Variants in ARFGEF2 observed in about 807,000 individuals in gnomAD.
The protein encoded by ARFGEF2 is brefeldin A-inhibited guanine nucleotide-exchange protein 2.
Under a neutral mutation model 219.9 loss-of-function variants are expected in ARFGEF2, and 74 were observed. That is an observed-to-expected ratio of 0.34 (90% CI 0.28 to 0.41). The LOEUF (loss-of-function observed/expected upper bound fraction) is 0.41, where lower values mean the gene tolerates loss of function less well. Ranked by LOEUF, ARFGEF2 falls within the 10% of genes least tolerant of loss-of-function variation. ARFGEF2 has a pLI of 1.00. For missense variants in ARFGEF2, 1,743 were observed against 2,218.3 expected, an observed-to-expected ratio of 0.79 and a Z score of 4.30; for synonymous variants, 733 against 799.2, an observed-to-expected ratio of 0.92 and a Z score of 1.40.
intron 36 of ARFGEF2, among the ~76,000 whole-genome samples, chr20:49,027,242 C>T (rs1381404159): frequency 1.3e-5 from 2 of 152,034 alleles, no homozygotes; most frequent in Middle Eastern, 3.2e-3. Flanking sequence ...CGCACCACCA[C>T]GCCAGTGGTC....
At chr20:49,000,200 C>A (rs1160701503) in intron 25 of ARFGEF2, among the ~76,000 whole-genome samples, 1 of 152,226 alleles carries the variant, frequency 6.6e-6, no homozygotes, top group African/African-American at 2.4e-5. Context: ...TTGCTTCTAA[C>A]TTGGTGCATC....
chr20:49,031,614 A>G (rs958001958), intron 37 of ARFGEF2, among the ~76,000 whole-genome samples: 5 of 152,092 alleles, frequency 3.3e-5, no homozygotes, highest in African/African-American at 7.2e-5. Context: ...TGGGTGCTCA[A>G]TAGTTATTGC....
In ARFGEF2 at chr20:49,018,802, A is replaced by G. The variant is rs9631141; in HGVS notation, c.4510-82A>G. ...AAGGCACTTAAATACAGGCTGGACCAGCCGTGTTAAAACAGGCACATCTCT... is the reference window on the plus strand; with the variant it reads ...AAGGCACTTAAATACAGGCTGGACCGGCCGTGTTAAAACAGGCACATCTCT... On this transcript the variant is annotated intron_variant, in intron 33 of 38. Transcript: ENST00000371917. 77,853 of 1,086,906 alleles carry G rather than the reference A, an allele frequency of 0.072. 3,591 individuals are homozygous for G. The highest frequency in any genetic ancestry group is 0.19 in the African/African-American group (12,463 of 64,564). 67.3% of individuals were successfully genotyped at this position (1,086,906 alleles called of 1,614,324 possible). A position where few individuals can be genotyped will look rare whatever the true frequency, so the allele number is the denominator to read the frequency against.
intron 23 of ARFGEF2, among the ~76,000 whole-genome samples, chr20:48,997,265 T>TATTGATTA (rs2091397312): frequency 2.0e-5 from 3 of 150,830 alleles, no homozygotes; most frequent in African/African-American, 7.3e-5. Context: ...ATATCTTATG[T>TATTGATTA]ATTGATTGAT....
intron 13 of ARFGEF2, among the ~76,000 whole-genome samples, chr20:48,975,108 G>T (rs1414928925): frequency 6.6e-6 from 1 of 152,102 alleles, no homozygotes; most frequent in African/African-American, 2.4e-5. Context: ...TTTAGTAGTT[G>T]TTCATTCCCT....
At chr20:49,007,222 A>G (rs1051664631) in intron 26 of ARFGEF2, among the ~76,000 whole-genome samples, 2 of 151,344 alleles carry the variant, frequency 1.3e-5, no homozygotes, top group Non-Finnish European at 2.9e-5. Context: ...GATGTCAAGG[A>G]TGACTTTTGG....
At chr20:48,987,486 A>C (rs776373845) in intron 16 of ARFGEF2, among the ~76,000 whole-genome samples, 1 of 152,256 alleles carries the variant, frequency 6.6e-6, no homozygotes, top group Non-Finnish European at 1.5e-5. Flanking sequence ...ATTAAATGTT[A>C]TAATGGGTAA....
chr20:48,953,630 A>G lies in ARFGEF2; in HGVS notation c.678A>G (p.Val226=). 1 of 1,614,208 alleles carries G rather than the reference A, an allele frequency of 6.2e-7. No individual in the cohort carries two copies. The highest frequency in any genetic ancestry group is 8.5e-7 in the Non-Finnish European group (1 of 1,180,032). ...PQSPVIQAAA[V]SPKFVRLKHS... ...CCCCTGTGATCCAAGCTGCAGCAGTATCCCCAAAGTTCGTTCGTTTGAAGC... is the reference window on the plus strand; with the variant it reads ...CCCCTGTGATCCAAGCTGCAGCAGTGTCCCCAAAGTTCGTTCGTTTGAAGC... The change falls in exon 6 of 39, where the codon GTA becomes GTG. Residue 226 remains valine, a synonymous_variant. Coordinates refer to ENST00000371917, the MANE Select transcript of ARFGEF2 (RefSeq NM_006420.3).
chr20:49,013,323 G>T (rs540446184), intron 28 of ARFGEF2, among the ~76,000 whole-genome samples: 2 of 150,868 alleles, frequency 1.3e-5, no homozygotes, highest in South Asian at 2.1e-4. Flanking sequence ...GGACTCTTGT[G>T]ATCTGCCCCC....
chr20:48,935,153 C>T (rs2090939621), intron 1 of ARFGEF2, among the ~76,000 whole-genome samples: 1 of 151,728 alleles, frequency 6.6e-6, no homozygotes, highest in Non-Finnish European at 1.5e-5. Context: ...GGGGATTTGG[C>T]AGGGTCACAG....
intron 22 of ARFGEF2, among the ~76,000 whole-genome samples, chr20:48,995,293 CTAGGTCCCATT>C (rs2091379433): frequency 2.0e-5 from 3 of 152,260 alleles, no homozygotes; most frequent in South Asian, 4.1e-4. Context: ...GTGTAGGCTT[CTAGGTCCCATT>C]TAGTGAGTGG....
At position 49,012,041 on chromosome 20, in the gene ARFGEF2, G is replaced by A. The variant is rs754318827; in HGVS notation, c.3875G>A (p.Arg1292Gln). ...AFPDTSMEAI[R>Q]LIRFCGKYVS... ...CCTGACACGAGCATGGAAGCGATTC[G>A]GCTCATCCGCTTCTGTGGCAAATAC... The change falls in exon 28 of 39, where the codon CGG becomes CAG. Residue 1292 changes from arginine (R) to glutamine (Q), a missense_variant. Physicochemically the swap from Arg to Gln is conservative, Grantham distance 43. Around this residue, in one of 5 missense-constraint regions of ARFGEF2, gnomAD observed 578 missense variants for 664.0 expected, o/e 0.87. Transcript: ENST00000371917. 3.1e-6 allele frequency: 5 copies of A among 1,614,152 alleles called. No homozygotes were observed. The highest frequency in any genetic ancestry group is 1.1e-5 in the South Asian group (1 of 91,080).
chr20:48,996,878 T>G (rs148416465), intron 23 of ARFGEF2, among the ~76,000 whole-genome samples: 1 of 151,932 alleles, frequency 6.6e-6, no homozygotes, highest in South Asian at 2.1e-4. Flanking sequence ...AGGAGAGATA[T>G]TTCCCATAAA....
At chr20:49,020,324 G>A (rs937503769) in intron 34 of ARFGEF2, among the ~76,000 whole-genome samples, 7 of 152,216 alleles carry the variant, frequency 4.6e-5, no homozygotes, top group Non-Finnish European at 8.8e-5. Context: ...TCTTTAGAAG[G>A]AATAAAAGTA....
chr20:49,011,854 C>T (rs572944247), intron 27 of ARFGEF2, 70 bp from the exon 28 acceptor site: 37 of 1,506,868 alleles, frequency 2.5e-5, no homozygotes, highest in South Asian at 1.1e-4. Flanking sequence ...TGTGTGTGCA[C>T]GCACGTGCAT....
intron 3 of ARFGEF2, among the ~76,000 whole-genome samples, chr20:48,942,965 C>G (rs1280285448): frequency 6.6e-6 from 1 of 152,194 alleles, no homozygotes; most frequent in East Asian, 1.9e-4. Context: ...TGCTATAACA[C>G]ATGCCTGAAC....
At chr20:49,026,173 CA>C (rs1278927761) in intron 36 of ARFGEF2, among the ~76,000 whole-genome samples, 1 of 151,056 alleles carries the variant, frequency 6.6e-6, no homozygotes, top group Non-Finnish European at 1.5e-5. Flanking sequence ...CATCTCCACC[CA>C]AAAAAAAGTA....
chr20:48,999,557 C>T (rs1025711214), intron 25 of ARFGEF2, among the ~76,000 whole-genome samples: 1 of 151,950 alleles, frequency 6.6e-6, no homozygotes, highest in Non-Finnish European at 1.5e-5. Context: ...ACCGTCCTGG[C>T]TAACATGGTG....
chr20:48,952,664 T>C (rs1276382214), intron 4 of ARFGEF2, 41 bp from the exon 5 acceptor site: 4 of 1,597,998 alleles, frequency 2.5e-6, no homozygotes, highest in South Asian at 1.1e-5. Flanking sequence ...AGGAAGGTGA[T>C]GTGCGTTCCT....
Sources: gnomAD v4.1 joint callset for allele counts (sites outside exome capture counted in the v4.1 genomes callset) on GRCh38, gnomAD v4.1.1 for gene constraint, gnomAD v4.1.1 regional missense constraint, MANE v1.5 for transcripts, NCBI Gene and HGNC (gene_info 2026-07-23, HGNC 2026-07-21) for gene names.